NRG3: variants seen among roughly 807,000 people sequenced by gnomAD.
NRG3 encodes neuregulin 3, also known as pro-neuregulin-3, membrane-bound isoform.
A neutral mutation model predicts 66.9 loss-of-function variants in NRG3; 31 were observed. The observed-to-expected ratio is 0.46, with a 90% CI of 0.35 to 0.63. NRG3 has a LOEUF of 0.63. Ranked by LOEUF, NRG3 falls within the 20% of genes least tolerant of loss-of-function variation. The pLI, the probability that NRG3 is intolerant of heterozygous loss-of-function variation, is 0.00. For missense variants in NRG3, 910 were observed against 878.9 expected, an observed-to-expected ratio of 1.04 and a Z score of -0.45; for synonymous variants, 393 against 359.4, an observed-to-expected ratio of 1.09 and a Z score of -1.06.
chr10:82,275,452 A>C (rs2078797238), intron 1 of NRG3, among the ~76,000 whole-genome samples: 1 of 152,022 alleles, frequency 6.6e-6, no homozygotes, highest in South Asian at 2.1e-4. Flanking sequence ...ATGACCTAAA[A>C]AATTAGACTC....
At chr10:82,243,984 A>G (rs1366740940) in intron 1 of NRG3, among the ~76,000 whole-genome samples, 1 of 152,158 alleles carries the variant, frequency 6.6e-6, no homozygotes, top group African/African-American at 2.4e-5. Context: ...GTTAATTATG[A>G]TGCTATACTT....
At chr10:82,934,307 T>C (rs1030561503) in intron 4 of NRG3, among the ~76,000 whole-genome samples, 10 of 152,170 alleles carry the variant, frequency 6.6e-5, no homozygotes, top group Non-Finnish European at 1.0e-4. Flanking sequence ...CTTTTTATAA[T>C]TGGAGGTTGT....
At chr10:82,109,579 A>G (rs12255548) in intron 1 of NRG3, among the ~76,000 whole-genome samples, 17,376 of 86,082 alleles carry the variant, frequency 0.2, 1,072 homozygotes, top group Non-Finnish European at 0.26. Flanking sequence ...GTGTGTGTGT[A>G]TATATATATT....
At chr10:82,295,772 C>T (rs563262173) in intron 1 of NRG3, among the ~76,000 whole-genome samples, 7 of 152,220 alleles carry the variant, frequency 4.6e-5, no homozygotes, top group Non-Finnish European at 7.4e-5. Flanking sequence ...ATTTTCTCAA[C>T]GTCATCTACC....
intron 2 of NRG3, among the ~76,000 whole-genome samples, chr10:82,414,209 C>T (rs1465616396): frequency 6.6e-6 from 1 of 152,062 alleles, no homozygotes; most frequent in Non-Finnish European, 1.5e-5. Context: ...CTTTTGCTTG[C>T]TCACACAGAG....
At chr10:81,927,224 A>G (rs1846892533) in intron 1 of NRG3, among the ~76,000 whole-genome samples, 1 of 152,216 alleles carries the variant, frequency 6.6e-6, no homozygotes, top group Non-Finnish European at 1.5e-5. Flanking sequence ...TTGCTTAGAA[A>G]GTAAACGCCA....
intron 2 of NRG3, among the ~76,000 whole-genome samples, chr10:82,683,928 A>T (rs1179699639): frequency 6.6e-6 from 1 of 152,186 alleles, no homozygotes; most frequent in Non-Finnish European, 1.5e-5. Flanking sequence ...TGTTTTATGG[A>T]AAAAAGCCCT....
chr10:82,447,762 C>T (rs933905103), intron 2 of NRG3, among the ~76,000 whole-genome samples: 7 of 152,190 alleles, frequency 4.6e-5, no homozygotes, highest in African/African-American at 1.7e-4. Flanking sequence ...AACTGTATGT[C>T]GGAAGAGCTT....
chr10:82,398,229 A>G (rs1226447344), intron 2 of NRG3, among the ~76,000 whole-genome samples: 1 of 152,138 alleles, frequency 6.6e-6, no homozygotes, highest in Non-Finnish European at 1.5e-5. Flanking sequence ...GAGCTAGACT[A>G]TGGGGAGAGA....
At chr10:81,986,792 C>T (rs1227214753) in intron 1 of NRG3, among the ~76,000 whole-genome samples, 2 of 152,104 alleles carry the variant, frequency 1.3e-5, no homozygotes, top group African/African-American at 4.8e-5. Flanking sequence ...TAAAGTGATC[C>T]TCCTGCCTCA....
chr10:82,850,819 T>G (rs981351028), intron 3 of NRG3, among the ~76,000 whole-genome samples: 1 of 152,192 alleles, frequency 6.6e-6, no homozygotes, highest in Non-Finnish European at 1.5e-5. Context: ...TGAAATATAG[T>G]AAGTTAATTA....
At chr10:82,124,208 A>G (rs1287980364) in intron 1 of NRG3, among the ~76,000 whole-genome samples, 2 of 152,008 alleles carry the variant, frequency 1.3e-5, no homozygotes, top group Non-Finnish European at 2.9e-5. Context: ...AGCGTTATGG[A>G]GAATTGGCTT....
intron 1 of NRG3, among the ~76,000 whole-genome samples, chr10:82,203,908 G>T (rs2074980734): frequency 1.3e-5 from 2 of 151,996 alleles, no homozygotes; most frequent in African/African-American, 2.4e-5. Context: ...ATTAAGTCAG[G>T]TTTGCATGAT....
intron 1 of NRG3, among the ~76,000 whole-genome samples, chr10:82,056,457 A>G (rs1282614421): frequency 6.6e-6 from 1 of 152,192 alleles, no homozygotes; most frequent in Non-Finnish European, 1.5e-5. Context: ...ATACAATTAT[A>G]GAAGTGAGGG....
intron 1 of NRG3, among the ~76,000 whole-genome samples, chr10:82,140,043 G>C (rs2069656535): frequency 6.6e-6 from 1 of 152,018 alleles, no homozygotes; most frequent in South Asian, 2.1e-4. Flanking sequence ...TGAGGAATAG[G>C]TCAGTATTTT....
At chr10:82,065,431 G>A (rs190403950) in intron 1 of NRG3, among the ~76,000 whole-genome samples, 262 of 152,248 alleles carry the variant, frequency 1.7e-3, no homozygotes, top group Non-Finnish European at 2.9e-3. Flanking sequence ...CGTAGAATGA[G>A]AGTACATATA....
chr10:82,000,899 T>C (rs1232077599), intron 1 of NRG3, among the ~76,000 whole-genome samples: 1 of 152,216 alleles, frequency 6.6e-6, no homozygotes, highest in Admixed American at 6.5e-5. Flanking sequence ...TATTCTGGGT[T>C]TGTTTTTTCT....
chr10:82,933,892 G>A (rs1032191926), intron 4 of NRG3, among the ~76,000 whole-genome samples: 3 of 152,176 alleles, frequency 2.0e-5, no homozygotes, highest in African/African-American at 7.2e-5. Context: ...TTGAGATGTG[G>A]TAAGGCCAAC....
intron 1 of NRG3, among the ~76,000 whole-genome samples, chr10:82,313,433 T>A (rs1446107265): frequency 1.3e-5 from 2 of 152,144 alleles, no homozygotes; most frequent in African/African-American, 4.8e-5. Context: ...ATGTCATCTT[T>A]TAGTTGAGCC....
Sources: gnomAD v4.1 joint callset for allele counts (sites outside exome capture counted in the v4.1 genomes callset) on GRCh38, gnomAD v4.1.1 for gene constraint, MANE v1.5 for transcripts, NCBI Gene and HGNC (gene_info 2026-07-23, HGNC 2026-07-21) for gene names.